The following KRAS variants were observed in gnomAD, a reference collection of about 807,000 sequenced individuals.
KRAS encodes GTPase KRas.
Under a neutral mutation model 21.0 loss-of-function variants are expected in KRAS, and 1 was observed. The observed-to-expected ratio is 0.05, with a 90% CI of 0.02 to 0.23. The LOEUF is 0.23. KRAS is among the 10% of genes least tolerant of loss of function. The pLI is 1.00. For synonymous variants in KRAS, 67 were observed against 72.5 expected (o/e 0.92, Z 0.39); for missense variants, 107 against 221.8 (o/e 0.48, Z 3.29).
chr12:25,237,505 T>C (rs555426408), intron 2 of KRAS, among the ~76,000 whole-genome samples: 4 of 152,158 alleles, frequency 2.6e-5, no homozygotes, highest in Admixed American at 1.3e-4. Context: ...TGGGTTGTCC[T>C]GGTGGATATG....
intron 2 of KRAS, among the ~76,000 whole-genome samples, chr12:25,236,403 G>A (rs1290401877): frequency 1.3e-5 from 2 of 152,062 alleles, no homozygotes; most frequent in African/African-American, 4.8e-5. Context: ...AAGCCTCAGC[G>A]ACAAGGGGCC....
rs182100623 is a variant in KRAS at position 25,241,408 on chromosome 12, T to C, written c.111+3866A>G. Among the ~76,000 whole-genome samples, 352 of 152,310 alleles carry C rather than the reference T, an allele frequency of 2.3e-3. 2 individuals are homozygous for C. The highest frequency in any genetic ancestry group is 8.1e-3 in the African/African-American group (337 of 41,562). On this transcript the variant is annotated intron_variant, in intron 2 of 4. Coordinates refer to ENST00000311936, the MANE Select transcript of KRAS (RefSeq NM_004985.5). ...CAAAAGTGGGGAGAGCTTCACAGCC[T>C]TGAAGAGAAATGATTTATAAAATTG...
intron 4 of KRAS, chr12:25,225,118 G>A (rs1398808881): frequency 1.3e-5 from 2 of 151,428 alleles, no homozygotes; most frequent in Non-Finnish European, 3.0e-5. Flanking sequence ...TGGCTTTCTG[G>A]GTATTGTCTT....
At chr12:25,216,276 C>G (rs541248590) in intron 4 of KRAS, among the ~76,000 whole-genome samples, 83 of 152,154 alleles carry the variant, frequency 5.5e-4, no homozygotes, top group African/African-American at 1.9e-3. Context: ...ACTACAAGTT[C>G]TTTTTTTATT....
chr12:25,209,203 T>C lies in KRAS; in HGVS notation c.*592A>G, dbSNP rs1324199209. The C allele has an allele frequency of 3.0e-6, 2 of 671,476 alleles. No homozygotes were observed. Among genetic ancestry groups the C allele is most frequent in the African/African-American group, 1.8e-5 (1 of 55,912 alleles). 41.6% of individuals were successfully genotyped at this position (671,476 alleles called of 1,614,324 possible). ...TTTTTTTCTTTTTATAGAAAAAATA[T>C]AATATTTTGGGGAGAGTGACCATGA... On this transcript the variant is annotated 3_prime_UTR_variant, in exon 5 of 5. Coordinates refer to ENST00000311936, the MANE Select transcript of KRAS (RefSeq NM_004985.5).
chr12:25,223,332 TAATA>T (rs1226462047), intron 4 of KRAS, among the ~76,000 whole-genome samples: 1 of 152,030 alleles, frequency 6.6e-6, no homozygotes, highest in Non-Finnish European at 1.5e-5. Flanking sequence ...GAAGAAAAAA[TAATA>T]AATATTAGAA....
intron 4 of KRAS, 99 bp from the exon 5 acceptor site, chr12:25,210,010 C>CT (rs966946846): frequency 2.3e-6 from 2 of 854,042 alleles, no homozygotes; most frequent in African/African-American, 3.5e-5. Flanking sequence ...AGAAAGGATT[C>CT]TTTATGTTTC....
intron 4 of KRAS, among the ~76,000 whole-genome samples, chr12:25,220,995 A>G (rs1223820203): frequency 1.4e-5 from 2 of 137,960 alleles, no homozygotes; most frequent in Non-Finnish European, 3.1e-5. Flanking sequence ...ACTGCACTCC[A>G]GCCTGGGTGA....
Position 25,209,221 on chromosome 12 carries a change from G to T in KRAS, c.*574C>A. On this transcript the variant is annotated 3_prime_UTR_variant, in exon 5 of 5. Coordinates refer to ENST00000311936, the MANE Select transcript of KRAS (RefSeq NM_004985.5). ...AAAAATATAATATTTTGGGGAGAGT[G>T]ACCATGACTAATAGCAGTGGAAAGG... 1.5e-6 allele frequency: 1 copy of T among 681,862 alleles called. No individual in the cohort carries two copies. Among genetic ancestry groups the T allele is most frequent in the South Asian group, 1.6e-5 (1 of 62,566 alleles). 42.2% of individuals were successfully genotyped at this position (681,862 alleles called of 1,614,324 possible). A position where few individuals can be genotyped will look rare whatever the true frequency, so the allele number is the denominator to read the frequency against.
chr12:25,224,964 AAAT>A (rs1951371919), intron 4 of KRAS: 1 of 152,132 alleles, frequency 6.6e-6, no homozygotes, highest in Non-Finnish European at 1.5e-5. Flanking sequence ...CAAACAGGTT[AAAT>A]AATAGCAACT....
chr12:25,237,163 T>C (rs1427383764), intron 2 of KRAS, among the ~76,000 whole-genome samples: 1 of 152,178 alleles, frequency 6.6e-6, no homozygotes, highest in African/African-American at 2.4e-5. Flanking sequence ...GTCTGTACGA[T>C]TCTCTTTATA....
At chr12:25,212,085 T>C (rs188282811) in intron 4 of KRAS, among the ~76,000 whole-genome samples, 1 of 152,360 alleles carries the variant, frequency 6.6e-6, no homozygotes, top group Admixed American at 6.5e-5. Flanking sequence ...AATTATTCTG[T>C]AGCTTGCCAG....
chr12:25,226,740 G>T (rs1292914452), intron 3 of KRAS, among the ~76,000 whole-genome samples: 2 of 152,138 alleles, frequency 1.3e-5, no homozygotes, highest in South Asian at 2.1e-4. Flanking sequence ...ATGCAGCTTT[G>T]TCAGATTTAA....
chr12:25,209,373 A>T lies in KRAS; in HGVS notation c.*422T>A. ...GTGTTCCCTCAATGTTTCAGTAAAA[A>T]CCAATTAGAAGGTCTCAACTGAAAT... On this transcript the variant is annotated 3_prime_UTR_variant, in exon 5 of 5. Coordinates refer to ENST00000311936, the MANE Select transcript of KRAS (RefSeq NM_004985.5). The T allele has an allele frequency of 1.5e-6, 1 of 677,596 alleles. No homozygotes were observed. Among genetic ancestry groups the T allele is most frequent in the Non-Finnish European group, 2.3e-6 (1 of 438,074 alleles). 42.0% of individuals were successfully genotyped at this position (677,596 alleles called of 1,614,324 possible). A position where few individuals can be genotyped will look rare whatever the true frequency, so the allele number is the denominator to read the frequency against.
rs1362774238 is a variant in KRAS, at chr12:25,205,538, T to C, written c.*4257A>G. The C allele has an allele frequency of 9.3e-6, 2 of 215,388 alleles. No homozygotes were observed. The highest frequency in any genetic ancestry group is 1.9e-5 in the Non-Finnish European group (2 of 106,554). 13.3% of individuals were successfully genotyped at this position (215,388 alleles called of 1,614,324 possible). On this transcript the variant is annotated 3_prime_UTR_variant, in exon 5 of 5. Coordinates refer to ENST00000311936, the MANE Select transcript of KRAS (RefSeq NM_004985.5). ...CTATACAAAAATAGTTAAAATACAT[T>C]CCAGGTAAACATGTTACATTAAGAA...
chr12:25,235,419 T>G lies in KRAS; in HGVS notation c.112-8007A>C, dbSNP rs549102387. On this transcript the variant is annotated intron_variant, in intron 2 of 4. Coordinates refer to ENST00000311936, the MANE Select transcript of KRAS (RefSeq NM_004985.5). The stretch of plus-strand genomic sequence containing the variant: ...GGAATTTAGGGTATGTAAACAGAGG[T>G]TGATGAGTTCATTCCCATCTACCCA... 5.9e-5 allele frequency among the ~76,000 whole-genome samples: 9 copies of G among 152,180 alleles called. No individual in the cohort carries two copies. The South Asian group carries it at 1.5e-3, about 25-fold the overall frequency.
In KRAS at chr12:25,207,811, G is replaced by C. The variant is rs1951155121; in HGVS notation, c.*1984C>G. Reference sequence around the variant, plus strand: ...TAGGTCAAATCCCTTTATGGTATCTGTCAGATTCTCTTGAGCCCTGAGGAA... The same window carrying C: ...TAGGTCAAATCCCTTTATGGTATCTCTCAGATTCTCTTGAGCCCTGAGGAA... On this transcript the variant is annotated 3_prime_UTR_variant, in exon 5 of 5. Coordinates refer to ENST00000311936, the MANE Select transcript of KRAS (RefSeq NM_004985.5). 1 of 232,922 alleles carries C rather than the reference G, an allele frequency of 4.3e-6. No homozygotes were observed. The highest frequency in any genetic ancestry group is 1.8e-4 in the South Asian group (1 of 5,536). The allele number at this position is 232,922 out of a possible 1,614,324, so 14.4% of individuals were successfully genotyped here. A position where few individuals can be genotyped will look rare whatever the true frequency, so the allele number is the denominator to read the frequency against.
At chr12:25,224,548 T>C (rs1951366422) in intron 4 of KRAS, among the ~76,000 whole-genome samples, 1 of 152,126 alleles carries the variant, frequency 6.6e-6, no homozygotes, top group Non-Finnish European at 1.5e-5. Flanking sequence ...AAAGTCAAAA[T>C]GTTAGGAAAA....
intron 2 of KRAS, among the ~76,000 whole-genome samples, chr12:25,230,705 A>G (rs1173632201): frequency 6.6e-6 from 1 of 152,068 alleles, no homozygotes; most frequent in Non-Finnish European, 1.5e-5. Flanking sequence ...TTGGTTTTCA[A>G]TTTTTTAAAG....
Sources: allele counts gnomAD v4.1 joint callset (sites outside exome capture counted in the v4.1 genomes callset), GRCh38; gene constraint gnomAD v4.1.1; transcripts MANE v1.5; gene names NCBI Gene and HGNC (gene_info 2026-07-23, HGNC 2026-07-21).